Variants in LRRC7 observed in about 807,000 individuals in gnomAD.
The protein encoded by LRRC7 is leucine-rich repeat-containing protein 7.
In LRRC7, 23 loss-of-function variants were observed where a neutral mutation model predicts 175.7. The ratio of observed to expected loss-of-function variants is 0.13; its 90% CI spans 0.09 to 0.19. The LOEUF is 0.19. LRRC7 is among the 10% of genes least tolerant of loss of function. The pLI is 1.00. For synonymous variants in LRRC7, 685 were observed against 680.9 expected (o/e 1.01, Z -0.09); for missense variants, 1,354 against 1,904.7 (o/e 0.71, Z 5.38).
intron 4 of LRRC7, among the ~76,000 whole-genome samples, chr1:69,823,215 G>T (rs1679506223): frequency 6.6e-6 from 1 of 151,986 alleles, no homozygotes; most frequent in Admixed American, 6.6e-5. Flanking sequence ...TTCTTGAATT[G>T]TTCCTTTCGT....
intron 2 of LRRC7, among the ~76,000 whole-genome samples, chr1:69,743,843 G>T (rs72941436): frequency 6.6e-6 from 1 of 151,734 alleles, no homozygotes; most frequent in African/African-American, 2.4e-5. Context: ...AGTTTTATGA[G>T]ACTTACTTGA....
chr1:70,094,616 C>G lies in LRRC7; in HGVS notation c.4545+4797C>G, dbSNP rs115033331. Among the ~76,000 whole-genome samples the G allele has an allele frequency of 8.5e-3, 1,290 of 152,186 alleles. 11 individuals carry two copies. The highest frequency in any genetic ancestry group is 0.029 in the African/African-American group (1,216 of 41,530). On this transcript the variant is annotated intron_variant, in intron 25 of 26. Transcript: ENST00000651989. ...GACTTAAGCCCCTCCTCTTTTCACT[C>G]CATTGTTTTTGTGTGGATATGGATA...
chr1:70,013,519 T>G (rs183923567), intron 13 of LRRC7, among the ~76,000 whole-genome samples: 1 of 152,110 alleles, frequency 6.6e-6, no homozygotes, highest in Admixed American at 6.5e-5. Context: ...GTGTATATTT[T>G]CAATTCCATC....
chr1:69,952,876 A>G (rs1158115058), intron 8 of LRRC7, among the ~76,000 whole-genome samples: 3 of 151,760 alleles, frequency 2.0e-5, no homozygotes, highest in Admixed American at 6.6e-5. Flanking sequence ...TTAATCAGTC[A>G]ACAGAAATTT....
chr1:69,706,053 C>T (rs1446568122), intron 2 of LRRC7, among the ~76,000 whole-genome samples: 2 of 152,056 alleles, frequency 1.3e-5, no homozygotes, highest in Non-Finnish European at 2.9e-5. Context: ...TTCTTTGCTG[C>T]CTGATTGAAT....
intron 1 of LRRC7, among the ~76,000 whole-genome samples, chr1:69,643,262 T>A (rs61782246): frequency 0.052 from 7,942 of 152,184 alleles, 243 homozygotes; most frequent in African/African-American, 0.068. Context: ...GAAATACTAA[T>A]CTTTTCAGGA....
chr1:69,665,956 G>T (rs1387617044), intron 1 of LRRC7, among the ~76,000 whole-genome samples: 1 of 151,990 alleles, frequency 6.6e-6, no homozygotes, highest in African/African-American at 2.4e-5. Context: ...ACTAGCTGTG[G>T]ATCTGTCATA....
intron 4 of LRRC7, among the ~76,000 whole-genome samples, chr1:69,806,918 A>G (rs1373129288): frequency 6.6e-6 from 1 of 152,020 alleles, no homozygotes; most frequent in Non-Finnish European, 1.5e-5. Flanking sequence ...GACAATTTTA[A>G]GGAGGCATCT....
At chr1:69,692,509 G>A (rs61783983) in intron 2 of LRRC7, among the ~76,000 whole-genome samples, 7 of 152,060 alleles carry the variant, frequency 4.6e-5, no homozygotes, top group African/African-American at 1.2e-4. Flanking sequence ...CTACTTTTTC[G>A]TGGGTCCTTC....
chr1:70,121,915 T>C lies in LRRC7; in HGVS notation c.*28T>C. On this transcript the variant is annotated 3_prime_UTR_variant, in exon 27 of 27. Coordinates refer to ENST00000651989, the MANE Select transcript of LRRC7 (RefSeq NM_001370785.2). ...ATTTTTTATAAATAGTGAAGATACG[T>C]CTAGCCAGACCTAATGTTCAAAAAT... 3 of 1,474,668 alleles carry C rather than the reference T, an allele frequency of 2.0e-6. No homozygotes were observed. The highest frequency in any genetic ancestry group is 1.9e-6 in the Non-Finnish European group (2 of 1,060,188). 91.3% of individuals were successfully genotyped at this position (1,474,668 alleles called of 1,614,324 possible).
intron 23 of LRRC7, among the ~76,000 whole-genome samples, chr1:70,075,458 C>T (rs1334454074): frequency 9.2e-5 from 14 of 152,314 alleles, no homozygotes; most frequent in South Asian, 4.1e-4. Context: ...TGATTAATCT[C>T]TCTGAAAGCT....
chr1:69,898,259 G>T (rs1405235152), intron 7 of LRRC7, among the ~76,000 whole-genome samples: 1 of 152,140 alleles, frequency 6.6e-6, no homozygotes, highest in African/African-American at 2.4e-5. Flanking sequence ...AAGGCACATG[G>T]TATATTCAAG....
chr1:69,675,079 A>G (rs1234941598), intron 1 of LRRC7, among the ~76,000 whole-genome samples: 1 of 152,166 alleles, frequency 6.6e-6, no homozygotes, highest in Non-Finnish European at 1.5e-5. Context: ...ATCATCCTTT[A>G]AGAAACAAAA....
At chr1:69,676,778 A>T (rs1025353951) in intron 1 of LRRC7, among the ~76,000 whole-genome samples, 11 of 152,126 alleles carry the variant, frequency 7.2e-5, no homozygotes, top group Admixed American at 2.0e-4. Flanking sequence ...GGTACTTTTT[A>T]AAAAATTTTC....
intron 7 of LRRC7, among the ~76,000 whole-genome samples, chr1:69,858,571 G>T (rs1683993774): frequency 6.6e-6 from 1 of 151,630 alleles, no homozygotes; most frequent in Admixed American, 6.6e-5. Context: ...CATCCTTTGA[G>T]TTGGGAATTG....
intron 2 of LRRC7, among the ~76,000 whole-genome samples, chr1:69,757,211 A>C (rs2100922800): frequency 6.6e-6 from 1 of 152,128 alleles, no homozygotes; most frequent in Middle Eastern, 3.4e-3. Flanking sequence ...CAGGGATTTT[A>C]GAAGATGAGA....
At chr1:70,080,613 G>A (rs1300069431) in intron 24 of LRRC7, among the ~76,000 whole-genome samples, 1 of 152,150 alleles carries the variant, frequency 6.6e-6, no homozygotes, top group East Asian at 1.9e-4. Flanking sequence ...ATATATGGAA[G>A]TTATGTTTCA....
At chr1:69,954,104 T>C (rs1331566193) in intron 8 of LRRC7, among the ~76,000 whole-genome samples, 1 of 151,986 alleles carries the variant, frequency 6.6e-6, no homozygotes, top group African/African-American at 2.4e-5. Flanking sequence ...TGGGGTGACT[T>C]ATGACTGGGG....
chr1:69,777,465 C>T, intron 3 of LRRC7, among the ~76,000 whole-genome samples: 1 of 152,184 alleles, frequency 6.6e-6, no homozygotes, highest in East Asian at 1.9e-4. Flanking sequence ...CATCTATTCT[C>T]ATATTCTCAG....
Sources: gnomAD v4.1 joint callset for allele counts (sites outside exome capture counted in the v4.1 genomes callset) on GRCh38, gnomAD v4.1.1 for gene constraint, MANE v1.5 for transcripts, NCBI Gene and HGNC (gene_info 2026-07-23, HGNC 2026-07-21) for gene names.